The following LRRIQ1 variants were observed in gnomAD, a reference collection of about 807,000 sequenced individuals.
LRRIQ1 encodes the protein leucine rich repeats and IQ motif containing 1, also known as leucine-rich repeat- and IQ domain-containing protein 1.
Under a neutral mutation model 211.9 loss-of-function variants are expected in LRRIQ1, and 210 were observed. That is an observed-to-expected ratio of 0.99 (90% CI 0.89 to 1.11). LRRIQ1 has a LOEUF of 1.11. Ranked by LOEUF, LRRIQ1 falls within the 50% of genes most tolerant of loss-of-function variation. The probability of loss-of-function intolerance (pLI) is 0.00; values close to 1 mark genes in which losing one functional copy is unlikely to be tolerated. For synonymous variants in LRRIQ1, 699 were observed against 650.1 expected (o/e 1.08, Z -1.14); for missense variants, 2,136 against 1,939.5 (o/e 1.10, Z -1.90).
intron 24 of LRRIQ1, among the ~76,000 whole-genome samples, chr12:85,168,946 A>G (rs1242380865): frequency 6.6e-6 from 1 of 152,294 alleles, no homozygotes; most frequent in East Asian, 1.9e-4. Context: ...TGGCAACAAC[A>G]TATCATCAAT....
intron 11 of LRRIQ1, among the ~76,000 whole-genome samples, chr12:85,089,387 G>T (rs1233695142): frequency 6.6e-6 from 1 of 152,162 alleles, no homozygotes; most frequent in East Asian, 1.9e-4. Flanking sequence ...GAGTTTGGAG[G>T]GCTTAGAAGA....
chr12:85,149,879 G>GA (rs746199957), intron 19 of LRRIQ1, among the ~76,000 whole-genome samples: 11 of 151,298 alleles, frequency 7.3e-5, no homozygotes, highest in Non-Finnish European at 1.2e-4. Context: ...TTCTATTCAG[G>GA]AAAAAAAGGT....
chr12:85,250,862 ATAGATTATATAT>A (rs1435755145), intron 1 of LRRIQ1, among the ~76,000 whole-genome samples: 1 of 106,462 alleles, frequency 9.4e-6, no homozygotes, highest in Non-Finnish European at 1.8e-5. Flanking sequence ...AATATATATT[ATAGATTATATAT>A]TATATTATAT....
intron 19 of LRRIQ1, among the ~76,000 whole-genome samples, chr12:85,151,614 C>T (rs1464021870): frequency 6.6e-6 from 1 of 151,390 alleles, no homozygotes; most frequent in Non-Finnish European, 1.5e-5. Flanking sequence ...TTAGCAGGTT[C>T]CATTGTGGAA....
intron 3 of LRRIQ1, among the ~76,000 whole-genome samples, chr12:85,042,799 A>T (rs1167990796): frequency 6.6e-6 from 1 of 152,056 alleles, no homozygotes; most frequent in African/African-American, 2.4e-5. Flanking sequence ...GAAAGATGTT[A>T]TAACTAAATT....
intron 11 of LRRIQ1, among the ~76,000 whole-genome samples, chr12:85,081,800 T>A (rs1008424557): frequency 6.7e-6 from 1 of 149,096 alleles, no homozygotes; most frequent in African/African-American, 2.5e-5. Context: ...CTCAGCTCAT[T>A]GCAACCTGTG....
intron 24 of LRRIQ1, among the ~76,000 whole-genome samples, chr12:85,219,021 A>T (rs1365146924): frequency 6.6e-6 from 1 of 152,088 alleles, no homozygotes. Flanking sequence ...CTTAAATGTT[A>T]TGCCTAAGGC....
At chr12:85,155,307 G>A (rs1193998112) in intron 23 of LRRIQ1, among the ~76,000 whole-genome samples, 3 of 151,360 alleles carry the variant, frequency 2.0e-5, no homozygotes, top group Admixed American at 6.6e-5. Flanking sequence ...TAATTTGTTT[G>A]TACCTCCTGC....
At chr12:85,255,251 CA>C (rs1372957689) in intron 1 of LRRIQ1, among the ~76,000 whole-genome samples, 4 of 151,750 alleles carry the variant, frequency 2.6e-5, no homozygotes, top group Non-Finnish European at 5.9e-5. Flanking sequence ...ATGTGAATTA[CA>C]GTAATACTGT....
intron 18 of LRRIQ1, among the ~76,000 whole-genome samples, chr12:85,137,028 GTTTT>G (rs1490843016): frequency 6.6e-6 from 1 of 151,354 alleles, no homozygotes; most frequent in Non-Finnish European, 1.5e-5. Flanking sequence ...ATTCTACCCT[GTTTT>G]ATGCCTTTAT....
At chr12:85,041,494 T>A (rs1878882421) in intron 3 of LRRIQ1, among the ~76,000 whole-genome samples, 1 of 151,412 alleles carries the variant, frequency 6.6e-6, no homozygotes. Flanking sequence ...ATTTGAGCAA[T>A]GACTTAATGA....
rs71076115 is a variant in LRRIQ1 at position 85,174,701 on chromosome 12, C to CAAAAAAA, written c.4822+14003_4822+14009dup. 2.6e-3 allele frequency among the ~76,000 whole-genome samples: 57 copies of CAAAAAAA among 21,590 alleles called. 8 individuals are homozygous for CAAAAAAA. The highest frequency in any genetic ancestry group is 0.012 in the African/African-American group (39 of 3,222). The allele number at this position is 21,590 out of a possible 152,430, so 14.2% of individuals were successfully genotyped here. On this transcript the variant is annotated intron_variant, in intron 24 of 26. Coordinates refer to ENST00000393217, the MANE Select transcript of LRRIQ1 (RefSeq NM_001079910.2). ...TGGGTGACAGAGCAAGAGTACAGCT[C>CAAAAAAA]AAAAAAAAAAAAAAAAAAAAAATCT... is the stretch of plus-strand genomic sequence containing the variant.
At chr12:85,259,720 T>G (rs1273163571) in intron 1 of LRRIQ1, among the ~76,000 whole-genome samples, 2 of 152,142 alleles carry the variant, frequency 1.3e-5, no homozygotes, top group Non-Finnish European at 2.9e-5. Flanking sequence ...ACTTCAAAAC[T>G]GCTATAAAGC....
intron 24 of LRRIQ1, among the ~76,000 whole-genome samples, chr12:85,164,032 TTTTA>T (rs1891032850): frequency 6.6e-6 from 1 of 152,170 alleles, no homozygotes; most frequent in Non-Finnish European, 1.5e-5. Context: ...CATTGGCTTA[TTTTA>T]TTTATTTGTT....
rs370031935 is a variant in LRRIQ1, at chr12:85,046,068, T to G, written c.385T>G (p.Cys129Gly). 8.1e-6 allele frequency: 13 copies of G among 1,612,164 alleles called. 1 individual carries two copies. The highest frequency in any genetic ancestry group is 1.1e-5 in the Non-Finnish European group (13 of 1,178,766). The part of the protein sequence containing the change: ...KEEFMRSKTD[C>G]ATPDFVPEPS... ...AGAATTTATGAGAAGTAAAACCGAT[T>G]GTGCCACTCCTGATTTTGTTCCTGA... The change falls in exon 5 of 27, where the codon TGT (cysteine) becomes GGT (glycine). Residue 129 changes from cysteine (C) to glycine (G), a missense_variant. Physicochemically the swap from Cys to Gly is radical, Grantham distance 159. Coordinates refer to ENST00000393217, the MANE Select transcript of LRRIQ1 (RefSeq NM_001079910.2).
exon 2 of LRRIQ1, chr12:85,263,213 T>C: frequency 3.8e-6 from 1 of 259,970 alleles, no homozygotes; most frequent in East Asian, 1.8e-4. Flanking sequence ...AGTGGAGCTA[T>C]CTTATTTCTC....
chr12:85,124,010 C>G, intron 16 of LRRIQ1, 60 bp from the exon 17 acceptor site: 1 of 1,319,256 alleles, frequency 7.6e-7, no homozygotes, highest in South Asian at 1.3e-5. Flanking sequence ...AAAACTTGCA[C>G]AAGTTTTAAT....
chr12:85,148,335 G>A (rs1040535609), intron 19 of LRRIQ1, among the ~76,000 whole-genome samples: 1 of 151,754 alleles, frequency 6.6e-6, no homozygotes, highest in African/African-American at 2.4e-5. Context: ...GATGTGTGTT[G>A]TTCCCCTCCC....
chr12:85,230,948 T>C (rs933715228), intron 25 of LRRIQ1, among the ~76,000 whole-genome samples: 10 of 151,610 alleles, frequency 6.6e-5, no homozygotes, highest in Non-Finnish European at 5.9e-5. Flanking sequence ...ACTCGGAGGC[T>C]GAGGCAGGAG....
Sources: gnomAD v4.1 joint callset for allele counts (sites outside exome capture counted in the v4.1 genomes callset) on GRCh38, gnomAD v4.1.1 for gene constraint, MANE v1.5 for transcripts, NCBI Gene and HGNC (gene_info 2026-07-23, HGNC 2026-07-21) for gene names.